MAP2K3: variants seen among roughly 807,000 people sequenced by gnomAD.
MAP2K3 encodes mitogen-activated protein kinase kinase 3, also known as dual specificity mitogen-activated protein kinase kinase 3.
In MAP2K3, 30 loss-of-function variants were observed where a neutral mutation model predicts 46.4. The ratio of observed to expected loss-of-function variants is 0.65; its 90% CI spans 0.48 to 0.88. The LOEUF is 0.88. Ranked by LOEUF, MAP2K3 falls within the 40% of genes least tolerant of loss-of-function variation. The pLI, the probability that MAP2K3 is intolerant of heterozygous loss-of-function variation, is 0.00. For missense variants in MAP2K3, 380 were observed against 464.5 expected (o/e 0.82, Z 1.67); for synonymous variants, 189 against 176.3 (o/e 1.07, Z -0.57).
intron 9 of MAP2K3, among the ~76,000 whole-genome samples, chr17:21,307,553 G>T (rs903017247): frequency 1.3e-5 from 2 of 151,774 alleles, no homozygotes; most frequent in South Asian, 4.2e-4. Flanking sequence ...AGGAGAGGGA[G>T]GGAGGGTTGG....
At chr17:21,304,915 C>T (rs918521007) in intron 8 of MAP2K3, 136 bp from the exon 9 acceptor site, 105 of 1,102,000 alleles carry the variant, frequency 9.5e-5, no homozygotes, top group Non-Finnish European at 1.3e-4. Flanking sequence ...CCCAGGCCCT[C>T]CTAGCCTCAG....
rs1228027301 is a variant in MAP2K3 at position 21,298,785 on chromosome 17, C to A, written c.117-93C>A. On this transcript the variant is annotated intron_variant, in intron 2 of 11. Transcript: ENST00000342679. The stretch of plus-strand genomic sequence containing the variant: ...GCCTCCGGGGCAGGAGGCACCTCGT[C>A]CCCACGCCAGGCCCCACACTGGCCC... The A allele has an allele frequency of 2.4e-5, 38 of 1,589,114 alleles. No homozygotes were observed. In the Admixed American group the frequency reaches 6.2e-4, roughly 26 times the overall value.
chr17:21,284,957 C>T lies in MAP2K3; in HGVS notation c.37C>T (p.Pro13Ser). Residue 13 changes from proline (P) to serine (S), a missense_variant, in exon 1 of 12, where the codon CCC (proline) becomes TCC (serine). Pro to Ser is a moderately conservative substitution (Grantham distance 74). Transcript: ENST00000342679. Reference sequence around the variant, plus strand: ...CGCCTCGAGCCAGCCCGCCAGCATGCCCCAGTCCAAAGGTAGGCGCTCCCG... The same window carrying T: ...CGCCTCGAGCCAGCCCGCCAGCATGTCCCAGTCCAAAGGTAGGCGCTCCCG... ...SPASSQPASM[P>S]QSKGKSKRKK... The T allele has an allele frequency of 1.2e-6, 2 of 1,611,934 alleles. No homozygotes were observed. Among genetic ancestry groups the T allele is most frequent in the Non-Finnish European group, 1.7e-6 (2 of 1,179,478 alleles).
intron 3 of MAP2K3, among the ~76,000 whole-genome samples, chr17:21,299,957 G>C (rs1007608755): frequency 6.6e-6 from 1 of 152,304 alleles, no homozygotes; most frequent in African/African-American, 2.4e-5. Flanking sequence ...ATTCCAGCCT[G>C]GGTGACGAGA....
chr17:21,289,782 C>T (rs945047940), intron 1 of MAP2K3, among the ~76,000 whole-genome samples: 5 of 152,342 alleles, frequency 3.3e-5, no homozygotes, highest in Admixed American at 1.3e-4. Context: ...AGCCTGACTG[C>T]GGCAGCTCCA....
chr17:21,294,568 C>A (rs763635078), intron 1 of MAP2K3, among the ~76,000 whole-genome samples: 1 of 152,310 alleles, frequency 6.6e-6, no homozygotes, highest in Non-Finnish European at 1.5e-5. Context: ...GACAGACCTG[C>A]CTTTATGGCC....
rs1167150884 is a variant in MAP2K3 at position 21,300,994 on chromosome 17, G to T, written c.399+1G>T. The T allele has an allele frequency of 3.1e-6, 5 of 1,613,986 alleles. No individual in the cohort carries two copies. The highest frequency in any genetic ancestry group is 4.2e-6 in the Non-Finnish European group (5 of 1,179,986). On this transcript the variant is annotated splice_donor_variant, in intron 5 of 11. Coordinates refer to ENST00000342679, the MANE Select transcript of MAP2K3 (RefSeq NM_145109.3). LOFTEE classifies it high-confidence loss of function. The stretch of plus-strand genomic sequence containing the variant: ...CTTCTACGGGGCACTATTCAGAGAG[G>T]TGCGTCCTTGCATGATGCAGCTGGG...
rs759309414 is a variant in MAP2K3, at chr17:21,302,127, T to G, written c.400-16T>G. On this transcript the variant is annotated splice_polypyrimidine_tract_variant and intron_variant, in intron 5 of 11. Coordinates refer to ENST00000342679, the MANE Select transcript of MAP2K3 (RefSeq NM_145109.3). ...GCAGCCCGGCAGCCTGGCTGAGCTC[T>G]GGGTGTCACCCACAGGGAGACGTGT... is the stretch of plus-strand genomic sequence containing the variant. 69 of 1,613,694 alleles carry G rather than the reference T, an allele frequency of 4.3e-5. No homozygotes were observed. Among genetic ancestry groups the G allele is most frequent in the Middle Eastern group, 3.3e-4 (2 of 6,076 alleles).
intron 1 of MAP2K3, among the ~76,000 whole-genome samples, chr17:21,298,084 C>A (rs1358008437): frequency 1.3e-5 from 2 of 152,310 alleles, no homozygotes; most frequent in Non-Finnish European, 2.9e-5. Flanking sequence ...ATCCCATTGA[C>A]TAGTCAGGCA....
intron 1 of MAP2K3, chr17:21,295,567 C>A (rs1384105457): frequency 6.5e-5 from 81 of 1,254,838 alleles, no homozygotes; most frequent in Non-Finnish European, 7.9e-5. Flanking sequence ...AGCCTGAGGC[C>A]TGTTTCTAGG....
At chr17:21,293,897 C>T (rs1258589958) in intron 1 of MAP2K3, among the ~76,000 whole-genome samples, 2 of 152,310 alleles carry the variant, frequency 1.3e-5, no homozygotes, top group Non-Finnish European at 2.9e-5. Context: ...AGGACAGGGG[C>T]CCCAGAACCT....
At chr17:21,307,296 C>T (rs1456430700) in intron 9 of MAP2K3, among the ~76,000 whole-genome samples, 1 of 152,302 alleles carries the variant, frequency 6.6e-6, no homozygotes, top group African/African-American at 2.4e-5. Flanking sequence ...TCAGGAAATT[C>T]CAAGGGTTTT....
At position 21,284,755 on chromosome 17, in the gene MAP2K3, GTCGCCGCCGCAGTCC is replaced by G. The variant is rs1188882331; in HGVS notation, c.-158_-144del. Reference sequence around the variant, plus strand: ...CCGTCGCGGACTCGTCCTTGCTGCAGTCGCCGCCGCAGTCCTCGCCGCAGTCGCCGCCGCCGCCGC... The same window carrying G: ...CCGTCGCGGACTCGTCCTTGCTGCAGTCGCCGCAGTCGCCGCCGCCGCCGC... On this transcript the variant is annotated 5_prime_UTR_variant, in exon 1 of 12. Coordinates refer to ENST00000342679, the MANE Select transcript of MAP2K3 (RefSeq NM_145109.3). 4 of 660,640 alleles carry G rather than the reference GTCGCCGCCGCAGTCC, an allele frequency of 6.1e-6. No homozygotes were observed. Among genetic ancestry groups the G allele is most frequent in the Non-Finnish European group, 7.1e-6 (3 of 423,680 alleles). The allele number at this position is 660,640 out of a possible 1,614,324, so 40.9% of individuals were successfully genotyped here.
In MAP2K3 at chr17:21,292,701, G is replaced by T. The variant is rs1457490994; in HGVS notation, c.50-5712G>T. 3.9e-5 allele frequency among the ~76,000 whole-genome samples: 6 copies of T among 152,420 alleles called. No individual in the cohort carries two copies. In the South Asian group the frequency reaches 1.2e-3, roughly 32 times the overall value. On this transcript the variant is annotated intron_variant, in intron 1 of 11. Transcript: ENST00000342679. Reference sequence around the variant, plus strand: ...AGGGTTTCACCATGTTGGCCAGGCTGGTCTCAAACTCCTGACCTCAAGTAA... The same window carrying T: ...AGGGTTTCACCATGTTGGCCAGGCTTGTCTCAAACTCCTGACCTCAAGTAA...
At position 21,314,197 on chromosome 17, in the gene MAP2K3, C is replaced by T. The variant is rs755339514; in HGVS notation, c.1011C>T (p.Ala337=). The T allele has an allele frequency of 6.2e-7, 1 of 1,614,084 alleles. No homozygotes were observed. Among genetic ancestry groups the T allele is most frequent in the South Asian group, 1.1e-5 (1 of 91,078 alleles). Residue 337 remains alanine, a synonymous_variant, in exon 12 of 12, where the codon GCC becomes GCT. Coordinates refer to ENST00000342679, the MANE Select transcript of MAP2K3 (RefSeq NM_145109.3). ...AAACCAAGAAGACGGACATTGCTGC[C>T]TTCGTGAAGGAGATCCTGGGAGAAG... ...LHKTKKTDIA[A]FVKEILGEDS
intron 1 of MAP2K3, among the ~76,000 whole-genome samples, chr17:21,294,185 G>A (rs962208708): frequency 8.0e-6 from 1 of 124,866 alleles, no homozygotes; most frequent in Admixed American, 8.2e-5. Flanking sequence ...GGGAATAGAG[G>A]TGGCCTGGGG....
chr17:21,298,266 A>G (rs1170157711), intron 1 of MAP2K3, 147 bp from the exon 2 acceptor site: 1 of 1,178,672 alleles, frequency 8.5e-7, no homozygotes, highest in Non-Finnish European at 1.3e-6. Context: ...TGAAGGCCTA[A>G]CGGCCTGGCT....
At chr17:21,311,384 C>A (rs1469018216) in intron 9 of MAP2K3, among the ~76,000 whole-genome samples, 1 of 152,040 alleles carries the variant, frequency 6.6e-6, no homozygotes, top group Non-Finnish European at 1.5e-5. Context: ...TCCATGATGA[C>A]TTCCTGCCAA....
chr17:21,284,914 T>C lies in MAP2K3; in HGVS notation c.-7T>C, dbSNP rs771043845. On this transcript the variant is annotated 5_prime_UTR_variant, in exon 1 of 12. Transcript: ENST00000342679. ...GTCTCCACCGCCGTCCAGGACCCAC[T>C]TGCAGCATGGAGTCGCCCGCCTCGA... The C allele has an allele frequency of 9.3e-6, 15 of 1,612,104 alleles. No homozygotes were observed. In the Admixed American group the frequency reaches 2.5e-4, roughly 27 times the overall value.
Sources: gnomAD v4.1 joint callset for allele counts (sites outside exome capture counted in the v4.1 genomes callset) on GRCh38, gnomAD v4.1.1 for gene constraint, MANE v1.5 for transcripts, NCBI Gene and HGNC (gene_info 2026-07-23, HGNC 2026-07-21) for gene names.